GATAD2B: variants seen among roughly 807,000 people sequenced by gnomAD.
GATAD2B encodes transcriptional repressor p66-beta.
GATAD2B carries 8 observed loss-of-function variants against 64.3 expected under a neutral mutation model. That is an observed-to-expected ratio of 0.12 (90% CI 0.07 to 0.22). The LOEUF is 0.22. Among genes scored for constraint, GATAD2B ranks in the 10% least tolerant of loss-of-function variants. The pLI, the probability that GATAD2B is intolerant of heterozygous loss-of-function variation, is 1.00. For synonymous variants in GATAD2B, 281 were observed against 271.3 expected, an observed-to-expected ratio of 1.04 and a Z score of -0.35; for missense variants, 453 against 752.0, an observed-to-expected ratio of 0.60 and a Z score of 4.65.
At chr1:153,820,189 T>A (rs1300133077) in intron 2 of GATAD2B, among the ~76,000 whole-genome samples, 7 of 151,082 alleles carry the variant, frequency 4.6e-5, no homozygotes, top group Non-Finnish European at 1.0e-4. Context: ...TTTGAGGGAA[T>A]AGTGCCAAGA....
At chr1:153,837,724 TA>T (rs939155990) in intron 1 of GATAD2B, among the ~76,000 whole-genome samples, 2 of 151,500 alleles carry the variant, frequency 1.3e-5, no homozygotes, top group Admixed American at 6.6e-5. Flanking sequence ...GTAAATATAC[TA>T]AAAAAAAATT....
chr1:153,915,991 A>G (rs957506126), intron 1 of GATAD2B, among the ~76,000 whole-genome samples: 4 of 152,182 alleles, frequency 2.6e-5, no homozygotes, highest in Non-Finnish European at 5.9e-5. Context: ...TTACAAGAGA[A>G]TAAGACAGCC....
Position 153,816,385 on chromosome 1 carries a change from T to C in GATAD2B, c.1104A>G (p.Pro368=), listed in dbSNP as rs768941302. 7.4e-6 allele frequency: 12 copies of C among 1,613,776 alleles called. No individual in the cohort carries two copies. The highest frequency in any genetic ancestry group is 1.0e-5 in the Non-Finnish European group (12 of 1,179,746). ...GTAAGGGAGCAGGAGGTTTAGGGGGTGGGATCTCCAGGAGTGTCTTTTCCA... is the reference window on the plus strand; with the variant it reads ...GTAAGGGAGCAGGAGGTTTAGGGGGCGGGATCTCCAGGAGTGTCTTTTCCA... ...KQLEKTLLEI[P]PPKPPAPLLH... The change falls in exon 7 of 11, where the codon CCA becomes CCG. Residue 368 remains proline, a synonymous_variant. Transcript: ENST00000368655. This position sits in a 1 kb window ranked among gnomAD's most constrained non-coding sequence, Gnocchi z 4.9.
At chr1:153,826,060 G>C (rs1674864985) in intron 2 of GATAD2B, among the ~76,000 whole-genome samples, 2 of 151,332 alleles carry the variant, frequency 1.3e-5, no homozygotes, top group South Asian at 4.2e-4. Context: ...CTGGAGTGCA[G>C]TGGAGCAATC....
chr1:153,894,119 A>C (rs991373036), intron 1 of GATAD2B, among the ~76,000 whole-genome samples: 4 of 152,166 alleles, frequency 2.6e-5, no homozygotes, highest in African/African-American at 9.7e-5. Context: ...AGAGGAAGTC[A>C]GAATAGTGGC....
chr1:153,805,863 G>A lies in GATAD2B; in HGVS notation c.*4314C>T, dbSNP rs1179058532. ...TTGGTGGTTCTTTTTACTCTACAAA[G>A]TCCTGGACCAGGAGGTCTTGGCTTT... is the stretch of plus-strand genomic sequence containing the variant. On this transcript the variant is annotated 3_prime_UTR_variant, in exon 11 of 11. Transcript: ENST00000368655. 2 of 152,152 alleles carry A rather than the reference G, an allele frequency of 1.3e-5. No homozygotes were observed. Among genetic ancestry groups the A allele is most frequent in the African/African-American group, 4.8e-5 (2 of 41,416 alleles). The allele number at this position is 152,152 out of a possible 1,614,324, so 9.4% of individuals were successfully genotyped here.
chr1:153,922,283 A>T (rs1678469040), intron 1 of GATAD2B, among the ~76,000 whole-genome samples: 1 of 145,124 alleles, frequency 6.9e-6, no homozygotes, highest in South Asian at 2.2e-4. Flanking sequence ...GGGGGTGGAG[A>T]GAGTTAAAAA....
intron 1 of GATAD2B, among the ~76,000 whole-genome samples, chr1:153,904,970 G>C (rs987600245): frequency 4.6e-5 from 7 of 152,034 alleles, no homozygotes; most frequent in Non-Finnish European, 8.8e-5. Flanking sequence ...GCCTCCCGAA[G>C]TGCTGGGATT....
chr1:153,864,689 A>ACAACAG (rs1308206778), intron 1 of GATAD2B, among the ~76,000 whole-genome samples: 1 of 152,160 alleles, frequency 6.6e-6, no homozygotes, highest in Non-Finnish European at 1.5e-5. Context: ...GAAAGCAACA[A>ACAACAG]CAAAAAACCA....
At chr1:153,820,773 G>A (rs1674649993) in intron 2 of GATAD2B, among the ~76,000 whole-genome samples, 1 of 151,958 alleles carries the variant, frequency 6.6e-6, no homozygotes, top group Non-Finnish European at 1.5e-5. Flanking sequence ...GGGACTACAG[G>A]CATGTGCCGC....
chr1:153,821,393 T>C (rs1464863254), intron 2 of GATAD2B, among the ~76,000 whole-genome samples: 1 of 152,102 alleles, frequency 6.6e-6, no homozygotes, highest in Non-Finnish European at 1.5e-5. Context: ...GGAAATAGAA[T>C]AGGAGGATAG....
intron 1 of GATAD2B, among the ~76,000 whole-genome samples, chr1:153,877,365 G>A (rs1676870817): frequency 6.6e-6 from 1 of 150,888 alleles, no homozygotes; most frequent in Non-Finnish European, 1.5e-5. Context: ...AGAATTAAAG[G>A]GACAGACGTG....
chr1:153,850,094 T>C (rs1461652772), intron 1 of GATAD2B, among the ~76,000 whole-genome samples: 2 of 152,200 alleles, frequency 1.3e-5, no homozygotes, highest in African/African-American at 4.8e-5. Context: ...TCAAGTGGGT[T>C]ATTCAGTGGG....
chr1:153,847,876 T>C (rs114003180), intron 1 of GATAD2B, among the ~76,000 whole-genome samples: 1,636 of 152,338 alleles, frequency 0.011, 11 homozygotes, highest in Non-Finnish European at 0.016. Context: ...TTGGATATAC[T>C]GTTTAACTTA....
intron 1 of GATAD2B, among the ~76,000 whole-genome samples, chr1:153,876,949 G>A (rs1171125022): frequency 1.3e-5 from 2 of 152,158 alleles, no homozygotes; most frequent in Non-Finnish European, 2.9e-5. Flanking sequence ...GGCGGCGGGT[G>A]GAGGTTACAG....
intron 1 of GATAD2B, among the ~76,000 whole-genome samples, chr1:153,834,699 C>T (rs1293576693): frequency 6.6e-6 from 1 of 152,178 alleles, no homozygotes; most frequent in Non-Finnish European, 1.5e-5. Flanking sequence ...CTAAAACTAT[C>T]AACACTAACA....
chr1:153,811,475 T>G, intron 10 of GATAD2B: 1 of 520,542 alleles, frequency 1.9e-6, no homozygotes, highest in Non-Finnish European at 3.3e-6. Context: ...TAACCACATG[T>G]CTACTGAAGG....
At chr1:153,851,815 G>T (rs929073409) in intron 1 of GATAD2B, among the ~76,000 whole-genome samples, 2 of 152,038 alleles carry the variant, frequency 1.3e-5, no homozygotes, top group Non-Finnish European at 2.9e-5. Flanking sequence ...AGTAACAGAG[G>T]GTAACACAAT....
At chr1:153,917,395 A>G (rs1000330491) in intron 1 of GATAD2B, among the ~76,000 whole-genome samples, 9 of 113,046 alleles carry the variant, frequency 8.0e-5, no homozygotes, top group Non-Finnish European at 1.4e-4. Context: ...CATGCCCCAC[A>G]TATCTTTTTT....
Sources: gnomAD v4.1 joint callset for allele counts (sites outside exome capture counted in the v4.1 genomes callset) on GRCh38, gnomAD v4.1.1 for gene constraint, Gnocchi (gnomAD v3.1) non-coding constraint, MANE v1.5 for transcripts, NCBI Gene and HGNC (gene_info 2026-07-23, HGNC 2026-07-21) for gene names.